Variants in RELN observed in about 807,000 individuals in gnomAD.
RELN encodes reelin.
In RELN, 108 loss-of-function variants were observed where a neutral mutation model predicts 427.6. The observed-to-expected ratio is 0.25, with a 90% CI of 0.22 to 0.30. The LOEUF (loss-of-function observed/expected upper bound fraction) is 0.30, where lower values mean the gene tolerates loss of function less well. RELN is among the 10% of genes least tolerant of loss of function. RELN has a pLI of 1.00. For missense variants in RELN, 3,715 were observed against 4,302.8 expected (o/e 0.86, Z 3.82); for synonymous variants, 1,524 against 1,513.4 (o/e 1.01, Z -0.16).
chr7:103,777,585 A>G (rs1041400566), intron 3 of RELN, among the ~76,000 whole-genome samples: 4 of 152,156 alleles, frequency 2.6e-5, no homozygotes, highest in Admixed American at 6.5e-5. Flanking sequence ...AGTTTAGCCT[A>G]TGTATTCCCC....
chr7:103,749,793 A>G (rs1790948181), intron 5 of RELN, among the ~76,000 whole-genome samples: 1 of 152,192 alleles, frequency 6.6e-6, no homozygotes, highest in East Asian at 1.9e-4. Context: ...CCAACCTACA[A>G]GGAGAGGCTA....
At chr7:103,752,470 C>T (rs1791027405) in intron 5 of RELN, among the ~76,000 whole-genome samples, 1 of 152,148 alleles carries the variant, frequency 6.6e-6, no homozygotes, top group Admixed American at 6.5e-5. Context: ...AGGACAGTGT[C>T]ACAATCATAG....
rs973407136 is a variant in RELN, at chr7:103,569,960, G to T, written c.4588+2224C>A. ...TAATTTTGATTTTAATTCCAAATAT[G>T]TAAATTGATGCTTCAGCTTGAGTAA... On this transcript the variant is annotated intron_variant, in intron 31 of 64. Coordinates refer to ENST00000428762, the MANE Select transcript of RELN (RefSeq NM_005045.4). This position sits in a 1 kb window ranked among gnomAD's most constrained non-coding sequence, Gnocchi z 4.0. 6.6e-6 allele frequency among the ~76,000 whole-genome samples: 1 copy of T among 152,212 alleles called. No homozygotes were observed. Among genetic ancestry groups the T allele is most frequent in the African/African-American group, 2.4e-5 (1 of 41,446 alleles).
intron 1 of RELN, among the ~76,000 whole-genome samples, chr7:103,974,452 A>T (rs1183465707): frequency 3.4e-5 from 5 of 146,190 alleles, no homozygotes; most frequent in Non-Finnish European, 6.0e-5. Context: ...ATAAATTAAA[A>T]TATCTAAATA....
At chr7:103,771,929 C>T (rs1791578927) in intron 4 of RELN, among the ~76,000 whole-genome samples, 1 of 152,106 alleles carries the variant, frequency 6.6e-6, no homozygotes, top group Admixed American at 6.6e-5. Flanking sequence ...CAACACATTC[C>T]ACCCCCAACC....
intron 2 of RELN, among the ~76,000 whole-genome samples, chr7:103,869,126 A>G (rs1794268646): frequency 1.3e-5 from 2 of 152,060 alleles, no homozygotes; most frequent in African/African-American, 4.8e-5. Context: ...AATCTTACAA[A>G]TTTTGTGAAG....
chr7:103,680,602 AG>A (rs1309387523), intron 11 of RELN, among the ~76,000 whole-genome samples: 1 of 151,864 alleles, frequency 6.6e-6, no homozygotes, highest in Non-Finnish European at 1.5e-5. Context: ...GCATTGTCAA[AG>A]CTCTGGACTC....
chr7:103,899,890 G>A (rs1397893757), intron 2 of RELN, among the ~76,000 whole-genome samples: 1 of 152,080 alleles, frequency 6.6e-6, no homozygotes, highest in East Asian at 1.9e-4. Context: ...ACCAGCACAA[G>A]GCAAGGATGC....
At chr7:103,793,196 C>G (rs1013327492) in intron 3 of RELN, among the ~76,000 whole-genome samples, 1 of 152,038 alleles carries the variant, frequency 6.6e-6, no homozygotes, top group African/African-American at 2.4e-5. Flanking sequence ...TGCCTCAGGA[C>G]ACATTTAGAT....
At chr7:103,739,368 C>T (rs1016990951) in intron 6 of RELN, among the ~76,000 whole-genome samples, 6 of 152,264 alleles carry the variant, frequency 3.9e-5, no homozygotes, top group Admixed American at 2.6e-4. Flanking sequence ...ACGAGGTTTT[C>T]CTTCCCATTT....
chr7:103,554,591 GA>G (rs1830485578), intron 38 of RELN, among the ~76,000 whole-genome samples: 2 of 119,534 alleles, frequency 1.7e-5, no homozygotes, highest in African/African-American at 6.0e-5. Context: ...AAAAAAAAGT[GA>G]AAAAATTAAG....
rs116780884 is a variant in RELN, at chr7:103,724,192, G to A, written c.754-1001C>T. Among the ~76,000 whole-genome samples the A allele has an allele frequency of 3.1e-3, 471 of 150,770 alleles. 2 individuals carry two copies. The highest frequency in any genetic ancestry group is 0.011 in the African/African-American group (461 of 41,082). On this transcript the variant is annotated intron_variant, in intron 7 of 64. Coordinates refer to ENST00000428762, the MANE Select transcript of RELN (RefSeq NM_005045.4). ...TGCTGCTTTTTTTTTTCGTTGTTTTGTTTTTTTTGAGACAGACTCTCTCTC... is the reference window on the plus strand; with the variant it reads ...TGCTGCTTTTTTTTTTCGTTGTTTTATTTTTTTTGAGACAGACTCTCTCTC...
intron 3 of RELN, among the ~76,000 whole-genome samples, chr7:103,797,566 G>GT (rs1792339778): frequency 6.6e-6 from 1 of 152,062 alleles, no homozygotes; most frequent in Non-Finnish European, 1.5e-5. Flanking sequence ...GATTTTACTA[G>GT]TTTTTTTATT....
At chr7:103,727,699 C>G (rs377629196) in intron 7 of RELN, among the ~76,000 whole-genome samples, 104 of 152,124 alleles carry the variant, frequency 6.8e-4, no homozygotes, top group African/African-American at 2.3e-3. Context: ...GGCTATGAAC[C>G]AAAGTTTTAA....
intron 2 of RELN, among the ~76,000 whole-genome samples, chr7:103,906,455 TC>T (rs967654931): frequency 1.7e-4 from 26 of 152,206 alleles, no homozygotes; most frequent in African/African-American, 6.0e-4. Flanking sequence ...TTTCTTAGAA[TC>T]CCCAAATATC....
intron 45 of RELN, among the ~76,000 whole-genome samples, chr7:103,538,563 A>G (rs989574850): frequency 1.3e-5 from 2 of 152,178 alleles, no homozygotes; most frequent in Non-Finnish European, 2.9e-5. Flanking sequence ...AAATATAGGC[A>G]AAATGGGAAC....
chr7:103,716,541 A>G (rs1789942906), intron 8 of RELN, among the ~76,000 whole-genome samples: 1 of 152,258 alleles, frequency 6.6e-6, no homozygotes, highest in Non-Finnish European at 1.5e-5. Flanking sequence ...AACAATGCCC[A>G]TGGATTTCAT....
At chr7:103,771,978 C>T (rs1791580172) in intron 4 of RELN, among the ~76,000 whole-genome samples, 2 of 152,162 alleles carry the variant, frequency 1.3e-5, no homozygotes, top group African/African-American at 4.8e-5. Context: ...CACTCTCCTG[C>T]TTCCTTCCCA....
rs767711257 is a variant in RELN at position 103,604,396 on chromosome 7, C to T, written c.3096G>A (p.Gln1032=). 1 of 1,613,956 alleles carries T rather than the reference C, an allele frequency of 6.2e-7. No homozygotes were observed. Among genetic ancestry groups the T allele is most frequent in the Non-Finnish European group, 8.5e-7 (1 of 1,179,874 alleles). The change falls in exon 23 of 65, where the codon CAG becomes CAA. Residue 1032 remains glutamine (Q), a synonymous_variant. Transcript: ENST00000428762. ...CATGCCCACTGCACATGTTGGGGCA[C>T]TGCTGCCCAATGTAAATGCTGTCCA... ...WALDSIYIGQ[Q]CPNMCSGHGS...
Sources: gnomAD v4.1 joint callset for allele counts (sites outside exome capture counted in the v4.1 genomes callset) on GRCh38, gnomAD v4.1.1 for gene constraint, Gnocchi (gnomAD v3.1) non-coding constraint, MANE v1.5 for transcripts, NCBI Gene and HGNC (gene_info 2026-07-23, HGNC 2026-07-21) for gene names.